The following NCOR1 variants were observed in gnomAD, a reference collection of about 807,000 sequenced individuals.
NCOR1 encodes protein phosphatase 1, regulatory subunit 109.
A neutral mutation model predicts 288.1 loss-of-function variants in NCOR1; 63 were observed. The ratio of observed to expected loss-of-function variants is 0.22; its 90% CI spans 0.18 to 0.27. The LOEUF (loss-of-function observed/expected upper bound fraction) is 0.27. NCOR1 is among the 10% of genes least tolerant of loss of function. The pLI, the probability that NCOR1 is intolerant of heterozygous loss-of-function variation, is 1.00. For missense variants in NCOR1, 2,397 were observed against 3,019.2 expected (o/e 0.79, Z 4.83); for synonymous variants, 1,007 against 1,065.9 (o/e 0.94, Z 1.08).
intron 1 of NCOR1, among the ~76,000 whole-genome samples, chr17:16,199,262 T>C (rs1301168234): frequency 7.1e-6 from 1 of 141,526 alleles, no homozygotes; most frequent in Non-Finnish European, 1.5e-5. Context: ...ATCAGGAAAT[T>C]AGCCCCTACT....
chr17:16,057,915 G>T lies in NCOR1; in HGVS notation c.6160C>A (p.His2054Asn). The T allele has an allele frequency of 6.2e-7, 1 of 1,606,486 alleles. No homozygotes were observed. The highest frequency in any genetic ancestry group is 8.5e-7 in the Non-Finnish European group (1 of 1,176,180). The change falls in exon 39 of 46, where the codon CAC becomes AAC. Residue 2054 changes from histidine to asparagine, a missense_variant. By Grantham distance (68) the His-to-Asn change is moderately conservative (BLOSUM62 1). Coordinates refer to ENST00000268712, the MANE Select transcript of NCOR1 (RefSeq NM_006311.4). ...RTHRLITLAD[H>N]ICQIITQDFA... is the part of the protein sequence containing the mutation. Reference sequence around the variant, plus strand: ...AATAATGAAAAACTTACACAGATGTGATCAGCAAGTGTGATCAGCCGATGG... The same window carrying T: ...AATAATGAAAAACTTACACAGATGTTATCAGCAAGTGTGATCAGCCGATGG...
chr17:16,127,429 ATGTG>A (rs1491542778), intron 14 of NCOR1, among the ~76,000 whole-genome samples: 1 of 133,214 alleles, frequency 7.5e-6, no homozygotes, highest in Admixed American at 7.4e-5. Flanking sequence ...ACATGTGTAT[ATGTG>A]TATGTATATA....
intron 27 of NCOR1, among the ~76,000 whole-genome samples, chr17:16,074,462 G>A (rs1387152415): frequency 2.0e-5 from 3 of 152,200 alleles, no homozygotes; most frequent in African/African-American, 4.8e-5. Context: ...AAACAGAGGT[G>A]TGTAGACTTC....
intron 1 of NCOR1, among the ~76,000 whole-genome samples, chr17:16,208,955 G>T (rs1455448487): frequency 6.6e-6 from 1 of 152,070 alleles, no homozygotes; most frequent in Non-Finnish European, 1.5e-5. Context: ...GCATCAAACT[G>T]CCATATGTGT....
At chr17:16,147,032 T>C (rs1310578258) in intron 9 of NCOR1, among the ~76,000 whole-genome samples, 1 of 152,198 alleles carries the variant, frequency 6.6e-6, no homozygotes, top group African/African-American at 2.4e-5. Flanking sequence ...TTGATTGCCA[T>C]TTTTTGCTAT....
intron 19 of NCOR1, among the ~76,000 whole-genome samples, chr17:16,103,645 C>T (rs1240799524): frequency 1.3e-5 from 2 of 152,238 alleles, no homozygotes; most frequent in East Asian, 3.8e-4. Context: ...AGACTTTGTA[C>T]ATGCCATTCA....
chr17:16,102,211 T>C (rs968501331), intron 19 of NCOR1, among the ~76,000 whole-genome samples: 8 of 152,212 alleles, frequency 5.3e-5, no homozygotes, highest in African/African-American at 1.9e-4. Flanking sequence ...ATCACATCTG[T>C]AATTTTAATT....
intron 28 of NCOR1, 90 bp from the exon 29 acceptor site, chr17:16,072,318 T>C: frequency 1.1e-6 from 1 of 943,076 alleles, no homozygotes. Flanking sequence ...TCTATGTTTT[T>C]GATAAATGCT....
intron 18 of NCOR1, among the ~76,000 whole-genome samples, chr17:16,112,795 C>T (rs2070593867): frequency 6.6e-6 from 1 of 151,518 alleles, no homozygotes; most frequent in Admixed American, 6.6e-5. Flanking sequence ...GGCCAAAGAG[C>T]TTTTCTTTAT....
At chr17:16,074,907 G>A (rs1009658126) in intron 27 of NCOR1, among the ~76,000 whole-genome samples, 3 of 152,008 alleles carry the variant, frequency 2.0e-5, no homozygotes, top group South Asian at 4.2e-4. Flanking sequence ...TCGCTCTGTC[G>A]CCCAGGCTGG....
intron 19 of NCOR1, among the ~76,000 whole-genome samples, chr17:16,107,388 G>A (rs1258335227): frequency 6.6e-6 from 1 of 152,100 alleles, no homozygotes; most frequent in African/African-American, 2.4e-5. Flanking sequence ...TTCATATGAG[G>A]AAGAGACACC....
intron 14 of NCOR1, among the ~76,000 whole-genome samples, 178 bp from the exon 15 acceptor site, chr17:16,126,384 C>T (rs375172501): frequency 6.6e-6 from 1 of 151,996 alleles, no homozygotes; most frequent in East Asian, 1.9e-4. Flanking sequence ...ATATGTACTG[C>T]TTGAAGGGTC....
rs1258027751 is a variant in NCOR1, at chr17:16,176,332, G to A, written c.243-4337C>T. ...CTCCCAGGCTAGAGTACAGTGGTGCGATCTCGCCTCACTGCCACCTCCACC... is the reference window on the plus strand; with the variant it reads ...CTCCCAGGCTAGAGTACAGTGGTGCAATCTCGCCTCACTGCCACCTCCACC... On this transcript the variant is annotated intron_variant, in intron 3 of 45. Transcript: ENST00000268712. 3.3e-5 allele frequency among the ~76,000 whole-genome samples: 5 copies of A among 152,220 alleles called. No individual in the cohort carries two copies. The East Asian group carries it at 7.7e-4, about 24-fold the overall frequency.
chr17:16,194,373 G>T, intron 2 of NCOR1, 89 bp downstream of exon 2: 1 of 691,498 alleles, frequency 1.4e-6, no homozygotes, highest in Non-Finnish European at 2.3e-6. Context: ...AGATAAATTT[G>T]GTGGTTTCTG....
chr17:16,194,505 G>A lies in NCOR1; in HGVS notation c.65C>T (p.Pro22Leu). ...GGGAAATGTATACTGGACAGAGTGA[G>A]GAGGATAACGACTTTGTTCTGTGCT... Reference protein sequence around the residue: ...AFSTEQSRYPPHSVQYTFPNT... With the variant: ...AFSTEQSRYPLHSVQYTFPNT... Residue 22 changes from proline (P) to leucine (L), a missense_variant, in exon 2 of 46, where the codon CCT becomes CTT. Transcript: ENST00000268712. 6.2e-7 allele frequency: 1 copy of A among 1,611,490 alleles called. No homozygotes were observed. The highest frequency in any genetic ancestry group is 8.5e-7 in the Non-Finnish European group (1 of 1,178,780).
At chr17:16,153,611 T>C (rs1418235299) in intron 6 of NCOR1, among the ~76,000 whole-genome samples, 1 of 152,210 alleles carries the variant, frequency 6.6e-6, no homozygotes, top group East Asian at 1.9e-4. Flanking sequence ...TGAAATTGTA[T>C]TGTCATAGCT....
chr17:16,175,975 G>A (rs1273807462), intron 3 of NCOR1, among the ~76,000 whole-genome samples: 1 of 152,070 alleles, frequency 6.6e-6, no homozygotes, highest in Non-Finnish European at 1.5e-5. Context: ...CCAGCACTTT[G>A]GGAGGTCAAG....
At chr17:16,121,846 C>T (rs1457372453) in intron 15 of NCOR1, among the ~76,000 whole-genome samples, 2 of 152,166 alleles carry the variant, frequency 1.3e-5, no homozygotes, top group South Asian at 2.1e-4. Context: ...ACTTAGGAAA[C>T]GGCCTCTGGA....
At chr17:16,046,912 C>A (rs752502618) in intron 42 of NCOR1, 39 bp downstream of exon 42, 1 of 1,607,350 alleles carries the variant, frequency 6.2e-7, no homozygotes, top group Non-Finnish European at 8.5e-7. Context: ...ATTATTAATG[C>A]ATGTTTTATT....
Sources: allele counts gnomAD v4.1 joint callset (sites outside exome capture counted in the v4.1 genomes callset), GRCh38; gene constraint gnomAD v4.1.1; transcripts MANE v1.5; gene names NCBI Gene and HGNC (gene_info 2026-07-23, HGNC 2026-07-21).